The following ARHGEF10 variants were observed in gnomAD, a reference collection of about 807,000 sequenced individuals.
ARHGEF10 encodes the protein Rho guanine nucleotide exchange factor (GEF) 10.
A neutral mutation model predicts 147.4 loss-of-function variants in ARHGEF10; 140 were observed. The ratio of observed to expected loss-of-function variants is 0.95; its 90% CI spans 0.83 to 1.09. The LOEUF (loss-of-function observed/expected upper bound fraction) is 1.09, where lower values mean the gene tolerates loss of function less well. Ranked by LOEUF, ARHGEF10 falls within the 50% of genes least tolerant of loss-of-function variation. The pLI is 0.00. For missense variants in ARHGEF10, 2,222 were observed against 1,752.7 expected (o/e 1.27, Z -4.78); for synonymous variants, 902 against 695.8 (o/e 1.30, Z -4.67).
At chr8:1,898,666 A>G in intron 15 of ARHGEF10, 141 bp downstream of exon 15, 1 of 904,656 alleles carries the variant, frequency 1.1e-6, no homozygotes, top group Non-Finnish European at 1.8e-6. Context: ...CAGGAGGTGG[A>G]GGGTAGAGGC....
intron 10 of ARHGEF10, among the ~76,000 whole-genome samples, chr8:1,884,356 A>G (rs1465216289): frequency 2.6e-5 from 4 of 151,040 alleles, no homozygotes; most frequent in Non-Finnish European, 5.9e-5. Flanking sequence ...AGATTGCGCC[A>G]CTGCACTCCA....
intron 27 of ARHGEF10, among the ~76,000 whole-genome samples, chr8:1,950,730 G>GTTTTTT (rs71211528): frequency 1.6e-4 from 17 of 108,446 alleles, no homozygotes; most frequent in East Asian, 5.4e-4. Flanking sequence ...TGTTTTTTAG[G>GTTTTTT]TTTTTTTTTT....
intron 18 of ARHGEF10, among the ~76,000 whole-genome samples, chr8:1,910,866 G>T (rs1316858462): frequency 6.6e-6 from 1 of 152,058 alleles, no homozygotes; most frequent in Non-Finnish European, 1.5e-5. Flanking sequence ...AATAGCTAAA[G>T]GTGACTTTGA....
At chr8:1,950,201 T>A (rs892087750) in intron 27 of ARHGEF10, among the ~76,000 whole-genome samples, 1 of 152,194 alleles carries the variant, frequency 6.6e-6, no homozygotes, top group Non-Finnish European at 1.5e-5. Flanking sequence ...TCACGTGGGC[T>A]CCAACTCCCG....
chr8:1,945,089 C>A (rs1814455791), intron 26 of ARHGEF10, among the ~76,000 whole-genome samples: 2 of 152,250 alleles, frequency 1.3e-5, no homozygotes, highest in Admixed American at 6.5e-5. Context: ...AGGCTGCAGG[C>A]AGGCAGTGGG....
At chr8:1,842,502 G>T (rs1336808242) in intron 1 of ARHGEF10, among the ~76,000 whole-genome samples, 1 of 152,222 alleles carries the variant, frequency 6.6e-6, no homozygotes, top group Non-Finnish European at 1.5e-5. Context: ...CCTCGGAGGA[G>T]CTGGCCTGTG....
chr8:1,915,439 C>G (rs1287768355), intron 18 of ARHGEF10, among the ~76,000 whole-genome samples: 1 of 152,244 alleles, frequency 6.6e-6, no homozygotes, highest in Non-Finnish European at 1.5e-5. Context: ...CAGCCTGGGA[C>G]TTGGGTCCCT....
Position 1,864,555 on chromosome 8 carries a change from T to A in ARHGEF10, c.545+119T>A, listed in dbSNP as rs1806424723. ...CCTCAGCTCTGCGCGGCGGGAGCTG[T>A]CCCAACCCCACCTCCTGCCTCGGGT... On this transcript the variant is annotated intron_variant, in intron 5 of 28. Coordinates refer to ENST00000349830, the MANE Select transcript of ARHGEF10 (RefSeq NM_014629.4). 4 of 1,020,174 alleles carry A rather than the reference T, an allele frequency of 3.9e-6. No homozygotes were observed. The Admixed American group carries it at 5.2e-5, about 13-fold the overall frequency. The allele number at this position is 1,020,174 out of a possible 1,614,324, so 63.2% of individuals were successfully genotyped here.
chr8:1,841,241 A>T (rs1804008331), intron 1 of ARHGEF10, among the ~76,000 whole-genome samples: 1 of 136,270 alleles, frequency 7.3e-6, no homozygotes, highest in Non-Finnish European at 1.6e-5. Context: ...GGCGAGGTGG[A>T]CCTAAAAGGA....
rs188438583 is a variant in ARHGEF10, at chr8:1,888,259, T to C, written c.1182+2552T>C. On this transcript the variant is annotated intron_variant, in intron 11 of 28. Coordinates refer to ENST00000349830, the MANE Select transcript of ARHGEF10 (RefSeq NM_014629.4). ...GAGTGTGGTGAGGGTTGCGAGGAGA[T>C]GCTGAGTGGGGCTGTAGGTTCTGAG... 6.9e-4 allele frequency among the ~76,000 whole-genome samples: 41 copies of C among 59,042 alleles called. 5 individuals carry two copies. The highest frequency in any genetic ancestry group is 2.2e-3 in the Admixed American group (12 of 5,496). The allele number at this position is 59,042 out of a possible 152,430, so 38.7% of individuals were successfully genotyped here.
intron 2 of ARHGEF10, among the ~76,000 whole-genome samples, chr8:1,855,525 G>A (rs1461715814): frequency 6.6e-6 from 1 of 151,732 alleles, no homozygotes; most frequent in Admixed American, 6.6e-5. Flanking sequence ...GGGACCACAG[G>A]TCCACGCCTT....
chr8:1,918,333 A>G (rs1386539663), intron 18 of ARHGEF10, among the ~76,000 whole-genome samples: 3 of 152,146 alleles, frequency 2.0e-5, no homozygotes, highest in East Asian at 3.9e-4. Context: ...TCCGGCAGAC[A>G]TAAAACGTCA....
intron 17 of ARHGEF10, among the ~76,000 whole-genome samples, chr8:1,906,755 C>G (rs1810926492): frequency 6.6e-6 from 1 of 152,208 alleles, no homozygotes; most frequent in African/African-American, 2.4e-5. Context: ...GTGGTACGCT[C>G]TTGCGGGTCT....
Position 1,937,371 on chromosome 8 carries a change from G to C in ARHGEF10, c.3222+3429G>C, listed in dbSNP as rs536664046. 2.1e-4 allele frequency among the ~76,000 whole-genome samples: 32 copies of C among 152,226 alleles called. No individual in the cohort carries two copies. The highest frequency in any genetic ancestry group is 7.7e-4 in the African/African-American group (32 of 41,532). On this transcript the variant is annotated intron_variant, in intron 26 of 28. Transcript: ENST00000349830. The surrounding 1 kb of genome is among the most constrained non-coding windows in gnomAD (Gnocchi z 4.9). ...CCTAGTAATTGCGTATTTACAGAGG[G>C]AGCTCAGCCATATAGTATACGGTGA...
chr8:1,912,349 G>A (rs1563274690), intron 18 of ARHGEF10, among the ~76,000 whole-genome samples: 1 of 152,020 alleles, frequency 6.6e-6, no homozygotes, highest in African/African-American at 2.4e-5. Context: ...GACTCAGTAG[G>A]AAGCTCGCCG....
At chr8:1,880,363 C>A (rs1808083940) in intron 9 of ARHGEF10, among the ~76,000 whole-genome samples, 199 bp downstream of exon 9, 1 of 152,214 alleles carries the variant, frequency 6.6e-6, no homozygotes, top group African/African-American at 2.4e-5. Flanking sequence ...TACGGGGAAC[C>A]CAGGAACATT....
In ARHGEF10 at chr8:1,896,455, C is replaced by T. The variant is rs200685622; in HGVS notation, c.1557+6C>T. ...CTTTTCTTGAATTTTTAAAGGTAAG[C>T]GCTTTTTTTTTTCATTTGGGTTTTA... On this transcript the variant is annotated splice_donor_region_variant and intron_variant, in intron 14 of 28. Transcript: ENST00000349830. 256 of 1,600,336 alleles carry T rather than the reference C, an allele frequency of 1.6e-4. No homozygotes were observed. Among genetic ancestry groups the T allele is most frequent in the Admixed American group, 3.0e-4 (18 of 59,862 alleles).
intron 26 of ARHGEF10, among the ~76,000 whole-genome samples, chr8:1,944,306 C>T (rs972387835): frequency 6.6e-6 from 1 of 152,234 alleles, no homozygotes; most frequent in Non-Finnish European, 1.5e-5. Context: ...ACACAGTCCT[C>T]TCCTCAGCTC....
chr8:1,947,316 G>A (rs1036724121), intron 27 of ARHGEF10, among the ~76,000 whole-genome samples: 11 of 152,112 alleles, frequency 7.2e-5, no homozygotes, highest in African/African-American at 2.7e-4. Context: ...GCCCTGCAGC[G>A]CAGACCTCCC....
Sources: allele counts gnomAD v4.1 joint callset (sites outside exome capture counted in the v4.1 genomes callset), GRCh38; gene constraint gnomAD v4.1.1; non-coding constraint Gnocchi (gnomAD v3.1); transcripts MANE v1.5; gene names NCBI Gene and HGNC (gene_info 2026-07-23, HGNC 2026-07-21).